LONP2: variants seen among roughly 807,000 people sequenced by gnomAD.
The protein encoded by LONP2 is lon protease homolog 2, peroxisomal.
LONP2 carries 60 observed loss-of-function variants against 85.6 expected under a neutral mutation model. That is an observed-to-expected ratio of 0.70 (90% CI 0.57 to 0.87). The LOEUF (loss-of-function observed/expected upper bound fraction) is 0.87. LONP2 is among the 40% of genes least tolerant of loss of function. The pLI is 0.00. For missense variants in LONP2, 860 were observed against 1,063.5 expected (o/e 0.81, Z 2.66); for synonymous variants, 395 against 389.7 (o/e 1.01, Z -0.16).
intron 11 of LONP2, among the ~76,000 whole-genome samples, chr16:48,324,562 A>G (rs1419314251): frequency 6.6e-6 from 1 of 152,232 alleles, no homozygotes; most frequent in Non-Finnish European, 1.5e-5. Context: ...TGTTTACTTG[A>G]CAAAATTAGC....
At chr16:48,339,466 T>C (rs1959753593) in intron 12 of LONP2, among the ~76,000 whole-genome samples, 1 of 152,170 alleles carries the variant, frequency 6.6e-6, no homozygotes, top group Admixed American at 6.5e-5. Context: ...GGAAGTAGAA[T>C]TAGTGTGTAG....
At chr16:48,331,268 G>C (rs1251218812) in intron 11 of LONP2, among the ~76,000 whole-genome samples, 4 of 152,174 alleles carry the variant, frequency 2.6e-5, no homozygotes, top group Non-Finnish European at 4.4e-5. Context: ...TATCAGGTGA[G>C]TGCTTTCCCA....
intron 12 of LONP2, among the ~76,000 whole-genome samples, chr16:48,335,938 T>C (rs1959632036): frequency 6.6e-6 from 1 of 152,196 alleles, no homozygotes; most frequent in Non-Finnish European, 1.5e-5. Context: ...GAGCAAAACA[T>C]TGTTGATTGA....
At chr16:48,290,428 C>A (rs963117359) in intron 8 of LONP2, among the ~76,000 whole-genome samples, 2 of 152,136 alleles carry the variant, frequency 1.3e-5, no homozygotes, top group Admixed American at 6.5e-5. Flanking sequence ...GTATCAGATC[C>A]TACGGGTTGA....
chr16:48,279,216 A>G (rs895377514), intron 8 of LONP2, among the ~76,000 whole-genome samples: 4 of 152,020 alleles, frequency 2.6e-5, no homozygotes, highest in Non-Finnish European at 5.9e-5. Flanking sequence ...AGAGTCTTTC[A>G]TTAGATATCT....
chr16:48,283,925 T>A (rs918804172), intron 8 of LONP2, among the ~76,000 whole-genome samples: 2 of 152,132 alleles, frequency 1.3e-5, no homozygotes, highest in Non-Finnish European at 2.9e-5. Context: ...TTAAGAACAT[T>A]CATGATTCAC....
At chr16:48,308,651 A>G (rs1029641338) in intron 11 of LONP2, among the ~76,000 whole-genome samples, 1 of 150,350 alleles carries the variant, frequency 6.7e-6, no homozygotes, top group Non-Finnish European at 1.5e-5. Flanking sequence ...AAAAAAGTCA[A>G]CTCAAGATAG....
chr16:48,331,765 T>G (rs986846628), intron 11 of LONP2, among the ~76,000 whole-genome samples: 10 of 151,894 alleles, frequency 6.6e-5, no homozygotes. Context: ...GGGGTTTCAC[T>G]GTGTTAGCCA....
At chr16:48,324,845 T>C (rs1418510976) in intron 11 of LONP2, among the ~76,000 whole-genome samples, 1 of 152,174 alleles carries the variant, frequency 6.6e-6, no homozygotes, top group Non-Finnish European at 1.5e-5. Context: ...TATAGTGTGA[T>C]GTTTCAGTAC....
chr16:48,259,149 T>G (rs1052041354), intron 4 of LONP2, among the ~76,000 whole-genome samples: 8 of 152,232 alleles, frequency 5.3e-5, no homozygotes, highest in Non-Finnish European at 4.4e-5. Flanking sequence ...TAAGTTTCCA[T>G]TTTTATTTAG....
intron 11 of LONP2, among the ~76,000 whole-genome samples, chr16:48,315,128 C>T (rs1462731884): frequency 6.6e-6 from 1 of 152,170 alleles, no homozygotes; most frequent in Admixed American, 6.6e-5. Context: ...TTAGGTCACC[C>T]CTCATCACCT....
intron 6 of LONP2, among the ~76,000 whole-genome samples, chr16:48,267,511 G>A (rs1223518222): frequency 6.6e-6 from 1 of 152,098 alleles, no homozygotes; most frequent in Admixed American, 6.6e-5. Context: ...CATTGGCCAG[G>A]CTGGTCTCGA....
intron 11 of LONP2, among the ~76,000 whole-genome samples, chr16:48,308,200 A>G (rs998269385): frequency 1.3e-5 from 2 of 152,238 alleles, no homozygotes; most frequent in Non-Finnish European, 2.9e-5. Flanking sequence ...TCTACAGCCA[A>G]CTGATCTTTG....
chr16:48,261,486 T>G lies in LONP2; in HGVS notation c.786T>G (p.Asp262Glu). 6.2e-7 allele frequency: 1 copy of G among 1,608,318 alleles called. No individual in the cohort carries two copies. The change falls in exon 5 of 15, where the codon GAT (aspartate) becomes GAG (glutamate). Residue 262 changes from aspartate (D) to glutamate (E), a missense_variant. Physicochemically the swap from Asp to Glu is conservative, Grantham distance 45. Transcript: ENST00000285737. ...TCTCAGGTACTTTAGAAGATGAAGA[T>G]GAAGATGAAGATAATGATGACATTG... ...THISGTLEDE[D>E]EDEDNDDIVM...
intron 8 of LONP2, among the ~76,000 whole-genome samples, chr16:48,286,287 G>T (rs966801919): frequency 6.6e-6 from 1 of 151,114 alleles, no homozygotes; most frequent in East Asian, 2.0e-4. Flanking sequence ...GACTACAGGT[G>T]CCTGCCACCA....
At chr16:48,315,382 G>A (rs1973120268) in intron 11 of LONP2, among the ~76,000 whole-genome samples, 1 of 152,194 alleles carries the variant, frequency 6.6e-6, no homozygotes, top group Non-Finnish European at 1.5e-5. Context: ...GAGCAGAAAT[G>A]TATTGGTTCA....
intron 10 of LONP2, among the ~76,000 whole-genome samples, chr16:48,302,710 A>G (rs1337241721): frequency 6.6e-6 from 1 of 152,214 alleles, no homozygotes; most frequent in Non-Finnish European, 1.5e-5. Flanking sequence ...TGAAAACCAG[A>G]TTTCTGTCTC....
chr16:48,315,330 GT>G (rs1257795741), intron 11 of LONP2, among the ~76,000 whole-genome samples: 2 of 152,188 alleles, frequency 1.3e-5, no homozygotes, highest in African/African-American at 4.8e-5. Flanking sequence ...AGTTCGTTCT[GT>G]GTTGCTGTAA....
chr16:48,340,858 G>A (rs2151028838), intron 12 of LONP2, among the ~76,000 whole-genome samples: 1 of 152,306 alleles, frequency 6.6e-6, no homozygotes, highest in South Asian at 2.1e-4. Flanking sequence ...TGAGGCTGCA[G>A]TGAGCTGTGA....
Sources: allele counts gnomAD v4.1 joint callset (sites outside exome capture counted in the v4.1 genomes callset), GRCh38; gene constraint gnomAD v4.1.1; transcripts MANE v1.5; gene names NCBI Gene and HGNC (gene_info 2026-07-23, HGNC 2026-07-21).